PRELID2: variants seen among roughly 807,000 people sequenced by gnomAD.
PRELID2 encodes PRELI domain-containing protein 2.
In PRELID2, 25 loss-of-function variants were observed where a neutral mutation model predicts 28.4. The ratio of observed to expected loss-of-function variants is 0.88; its 90% CI spans 0.64 to 1.23. The LOEUF is 1.23. Among genes scored for constraint, PRELID2 ranks in the 50% most tolerant of loss-of-function variants. PRELID2 has a pLI of 0.00. For synonymous variants in PRELID2, 76 were observed against 71.6 expected (o/e 1.06, Z -0.31); for missense variants, 201 against 214.4 (o/e 0.94, Z 0.39).
At chr5:145,328,932 C>T in the PRELID2 span, among the ~76,000 whole-genome samples, 1 of 151,984 alleles carries the variant, frequency 6.6e-6, no homozygotes, top group African/African-American at 2.4e-5. Flanking sequence ...GCCTTTAATC[C>T]ATCTTGAGTT....
At chr5:145,478,715 G>C (rs1752129956) in intron 1 of PRELID2, among the ~76,000 whole-genome samples, 1 of 152,034 alleles carries the variant, frequency 6.6e-6, no homozygotes, top group Non-Finnish European at 1.5e-5. Context: ...CTGCTATAAA[G>C]TTTAGAATTA....
chr5:145,274,389 G>C, the PRELID2 span, among the ~76,000 whole-genome samples: 1 of 152,120 alleles, frequency 6.6e-6, no homozygotes, highest in Non-Finnish European at 1.5e-5. Context: ...TAATTTTCTA[G>C]AGCGACATTA....
At chr5:145,304,435 A>G in the PRELID2 span, among the ~76,000 whole-genome samples, 1 of 152,180 alleles carries the variant, frequency 6.6e-6, no homozygotes, top group Non-Finnish European at 1.5e-5. Context: ...TTCTCCATTC[A>G]TACATATTGT....
chr5:145,678,936 AT>A (rs2149687686), intron 1 of PRELID2, among the ~76,000 whole-genome samples: 1 of 152,318 alleles, frequency 6.6e-6, no homozygotes, highest in East Asian at 1.9e-4. Context: ...GAAAATTCAC[AT>A]TTCTTTATTG....
intron 1 of PRELID2, among the ~76,000 whole-genome samples, chr5:145,478,510 C>T (rs1752127902): frequency 6.6e-6 from 1 of 151,926 alleles, no homozygotes; most frequent in African/African-American, 2.4e-5. Context: ...AAGATCACGC[C>T]ATTACTCTCC....
At chr5:145,302,681 G>A in the PRELID2 span, among the ~76,000 whole-genome samples, 1 of 151,758 alleles carries the variant, frequency 6.6e-6, no homozygotes, top group Non-Finnish European at 1.5e-5. Flanking sequence ...AATTAAATGT[G>A]ATTAGTATTA....
At chr5:145,522,763 G>GAGA (rs1239365053) in intron 1 of PRELID2, among the ~76,000 whole-genome samples, 1 of 151,728 alleles carries the variant, frequency 6.6e-6, no homozygotes, top group African/African-American at 2.4e-5. Context: ...GAAAAAGGAG[G>GAGA]AGGAGGAGGA....
chr5:145,707,462 A>G (rs1755578973), intron 1 of PRELID2, among the ~76,000 whole-genome samples: 1 of 152,224 alleles, frequency 6.6e-6, no homozygotes, highest in South Asian at 2.1e-4. Flanking sequence ...AATAAGGTAT[A>G]GGATCCTTAA....
chr5:145,767,364 C>T (rs1757830530), intron 5 of PRELID2, among the ~76,000 whole-genome samples: 4 of 152,230 alleles, frequency 2.6e-5, no homozygotes, highest in African/African-American at 7.2e-5. Flanking sequence ...GAGCCACTTC[C>T]ACTGCTCAGT....
intron 1 of PRELID2, among the ~76,000 whole-genome samples, chr5:145,824,519 T>G (rs1755050567): frequency 6.6e-6 from 1 of 151,084 alleles, no homozygotes; most frequent in Non-Finnish European, 1.5e-5. Context: ...TTTAACACAT[T>G]CTTAAAGATA....
At chr5:145,505,115 C>A (rs1008246686) in intron 1 of PRELID2, among the ~76,000 whole-genome samples, 1 of 151,826 alleles carries the variant, frequency 6.6e-6, no homozygotes, top group African/African-American at 2.4e-5. Context: ...CATTTGCAAG[C>A]ACACTAGCTC....
At chr5:145,449,956 C>T in the PRELID2 span, among the ~76,000 whole-genome samples, 2 of 152,058 alleles carry the variant, frequency 1.3e-5, no homozygotes, top group Non-Finnish European at 2.9e-5. Flanking sequence ...CACTGTTCTG[C>T]CCCCCTCTGG....
intron 1 of PRELID2, among the ~76,000 whole-genome samples, chr5:145,831,248 G>C (rs1425798332): frequency 1.3e-5 from 2 of 152,248 alleles, no homozygotes; most frequent in African/African-American, 4.8e-5. Context: ...GGCTTACACA[G>C]TTGTGATGCT....
the PRELID2 span, among the ~76,000 whole-genome samples, chr5:145,372,845 G>T: frequency 7.2e-6 from 1 of 138,810 alleles, no homozygotes; most frequent in African/African-American, 2.7e-5. Flanking sequence ...ATTTACATAA[G>T]GTTATATATT....
At chr5:145,820,979 A>C (rs1159675671) in intron 2 of PRELID2, among the ~76,000 whole-genome samples, 1 of 152,106 alleles carries the variant, frequency 6.6e-6, no homozygotes, top group Non-Finnish European at 1.5e-5. Context: ...GGGGTCTTAC[A>C]TCACTTCTCC....
intron 5 of PRELID2, among the ~76,000 whole-genome samples, chr5:145,769,873 G>T (rs973874480): frequency 1.3e-5 from 2 of 152,126 alleles, no homozygotes; most frequent in African/African-American, 2.4e-5. Context: ...ATAACTGAAA[G>T]GCAACACAGC....
At chr5:145,229,262 G>A in the PRELID2 span, 37 of 760,884 alleles carry the variant, frequency 4.9e-5, no homozygotes, top group African/African-American at 1.0e-4. Context: ...GAGGATGCCC[G>A]AGTTCTACAA....
the PRELID2 span, among the ~76,000 whole-genome samples, chr5:145,288,071 A>G: frequency 1.1e-4 from 17 of 152,050 alleles, no homozygotes; most frequent in African/African-American, 4.1e-4. Flanking sequence ...TGTTAACATG[A>G]CTTGTCTATA....
At chr5:145,657,991 T>C (rs895795818) in intron 1 of PRELID2, among the ~76,000 whole-genome samples, 1 of 152,172 alleles carries the variant, frequency 6.6e-6, no homozygotes, top group African/African-American at 2.4e-5. Flanking sequence ...AACATGCTCA[T>C]AGATGTCATA....
Sources: gnomAD v4.1 joint callset for allele counts (sites outside exome capture counted in the v4.1 genomes callset) on GRCh38, gnomAD v4.1.1 for gene constraint, MANE v1.5 for transcripts, NCBI Gene and HGNC (gene_info 2026-07-23, HGNC 2026-07-21) for gene names.